The following SLC17A1 variants were observed in gnomAD, a reference collection of about 807,000 sequenced individuals.
The protein encoded by SLC17A1 is solute carrier family 17 member 1.
SLC17A1 carries 51 observed loss-of-function variants against 53.5 expected under a neutral mutation model. The observed-to-expected ratio is 0.95, with a 90% CI of 0.76 to 1.20. The LOEUF is 1.20. Among genes scored for constraint, SLC17A1 ranks in the 50% most tolerant of loss-of-function variants. SLC17A1 has a pLI of 0.00. For missense variants in SLC17A1, 538 were observed against 568.2 expected, an observed-to-expected ratio of 0.95 and a Z score of 0.54; for synonymous variants, 179 against 198.8, an observed-to-expected ratio of 0.90 and a Z score of 0.84.
chr6:25,803,749 A>G lies in SLC17A1; in HGVS notation c.1179-2769T>C, dbSNP rs185632958. 5.7e-3 allele frequency among the ~76,000 whole-genome samples: 869 copies of G among 152,212 alleles called. 4 individuals are homozygous for G. The highest frequency in any genetic ancestry group is 8.9e-3 in the Non-Finnish European group (607 of 67,996). On this transcript the variant is annotated intron_variant, in intron 10 of 12. Transcript: ENST00000244527. ...TGTTATGAGAATTAATAATATATGA[A>G]TATGGACATAATAGCAATAATTATG...
the SLC17A1 span, chr6:25,727,128 C>T: frequency 5.6e-6 from 9 of 1,614,146 alleles, no homozygotes; most frequent in African/African-American, 1.3e-5. Context: ...TATCTTTGAG[C>T]GTATAGCGAG....
At chr6:25,812,735 G>A (rs1392895242) in intron 8 of SLC17A1, 96 bp downstream of exon 8, 5 of 833,366 alleles carry the variant, frequency 6.0e-6, no homozygotes, top group African/African-American at 5.2e-5. Context: ...GATAGTGTGA[G>A]GAGCTGGCAA....
At chr6:25,725,450 C>T in the SLC17A1 span, among the ~76,000 whole-genome samples, 3 of 152,100 alleles carry the variant, frequency 2.0e-5, no homozygotes, top group Admixed American at 6.5e-5. Context: ...ATGAGTATTT[C>T]GTGAAACTAC....
At chr6:25,788,632 G>A (rs928863209) in intron 12 of SLC17A1, among the ~76,000 whole-genome samples, 4 of 149,888 alleles carry the variant, frequency 2.7e-5, no homozygotes, top group Non-Finnish European at 5.9e-5. Context: ...GCAAAGTTGT[G>A]CAACTTAGCA....
chr6:25,727,202 A>G, the SLC17A1 span: 1 of 1,614,156 alleles, frequency 6.2e-7, no homozygotes, highest in Non-Finnish European at 8.5e-7. Flanking sequence ...AGATTCAGAC[A>G]GCAGTGCGCT....
At chr6:25,737,998 A>C in the SLC17A1 span, among the ~76,000 whole-genome samples, 2 of 152,230 alleles carry the variant, frequency 1.3e-5, no homozygotes, top group East Asian at 3.8e-4. Flanking sequence ...CAAGGCAAGA[A>C]AAAGAAATTA....
At chr6:25,730,115 T>C in the SLC17A1 span, among the ~76,000 whole-genome samples, 4 of 152,126 alleles carry the variant, frequency 2.6e-5, no homozygotes, top group African/African-American at 9.7e-5. Flanking sequence ...CCTCAAAAAA[T>C]TAAAAATAGA....
At chr6:25,725,435 T>A in the SLC17A1 span, among the ~76,000 whole-genome samples, 1 of 152,362 alleles carries the variant, frequency 6.6e-6, no homozygotes, top group Non-Finnish European at 1.5e-5. Flanking sequence ...ATGCCACATT[T>A]AATTATGAGT....
the SLC17A1 span, chr6:25,773,299 C>T: frequency 6.2e-7 from 1 of 1,613,746 alleles, no homozygotes; most frequent in Non-Finnish European, 8.5e-7. Context: ...GCTTGTTGTC[C>T]TCTCTGGTTT....
the SLC17A1 span, among the ~76,000 whole-genome samples, chr6:25,736,573 G>C: frequency 2.0e-5 from 3 of 152,048 alleles, no homozygotes; most frequent in Non-Finnish European, 4.4e-5. Flanking sequence ...CTGGTGCTTT[G>C]AGAAGATTTT....
In SLC17A1 at chr6:25,813,105, A is replaced by C; in HGVS notation, c.725T>G (p.Leu242Arg). The C allele has an allele frequency of 1.2e-6, 2 of 1,613,892 alleles. No individual in the cohort carries two copies. The highest frequency in any genetic ancestry group is 2.2e-5 in the South Asian group (2 of 91,076). ...AGAACTGTGTTCTACCTGCTGGACC[A>C]GGGAGGATGTGATGTATTCCTTTTC... is the stretch of plus-strand genomic sequence containing the variant. ...ISEKEYITSS[L>R]VQQVSSSRQS... The change falls in exon 7 of 13, where the codon CTG (leucine) becomes CGG (arginine). Residue 242 changes from leucine to arginine, a missense_variant. Leu to Arg is a moderately radical substitution (Grantham distance 102). Coordinates refer to ENST00000244527, the MANE Select transcript of SLC17A1 (RefSeq NM_005074.5).
chr6:25,807,464 A>G (rs1763998352), intron 10 of SLC17A1, among the ~76,000 whole-genome samples: 1 of 151,936 alleles, frequency 6.6e-6, no homozygotes, highest in African/African-American at 2.4e-5. Context: ...ATGTTTTTTA[A>G]AATTATTATT....
intron 2 of SLC17A1, 52 bp from the exon 3 acceptor site, chr6:25,826,685 A>G (rs1001511479): frequency 3.6e-6 from 5 of 1,383,510 alleles, no homozygotes; most frequent in African/African-American, 3.0e-5. Flanking sequence ...AGATAAAAAC[A>G]TACTTTAACT....
chr6:25,780,285 G>A (rs149693640), downstream of SLC17A1: 1 of 152,230 alleles, frequency 6.6e-6, no homozygotes, highest in African/African-American at 2.4e-5. Context: ...CGGGAGGGCA[G>A]ATAACTTTAA....
the SLC17A1 span, chr6:25,777,737 A>G: frequency 1.7e-6 from 1 of 572,276 alleles, no homozygotes; most frequent in African/African-American, 1.9e-5. Flanking sequence ...ATTGGTCAGT[A>G]CATTTCATTC....
At chr6:25,826,777 T>C (rs1184766681) in intron 2 of SLC17A1, 144 bp from the exon 3 acceptor site, 1 of 437,866 alleles carries the variant, frequency 2.3e-6, no homozygotes, top group East Asian at 3.5e-5. Flanking sequence ...ATAATTATTA[T>C]ATAATAAGAA....
chr6:25,812,052 T>G (rs925193767), intron 8 of SLC17A1, among the ~76,000 whole-genome samples: 8 of 152,128 alleles, frequency 5.3e-5, no homozygotes, highest in Non-Finnish European at 7.3e-5. Context: ...ACATTGGGAA[T>G]AGGAAATACC....
chr6:25,817,887 G>A (rs531007548), intron 6 of SLC17A1, among the ~76,000 whole-genome samples: 92 of 152,272 alleles, frequency 6.0e-4, no homozygotes, highest in Non-Finnish European at 9.8e-4. Flanking sequence ...AGGGGCTTAC[G>A]TTCCATCACT....
intron 10 of SLC17A1, among the ~76,000 whole-genome samples, chr6:25,802,170 T>TACATTA (rs1330606596): frequency 6.6e-6 from 1 of 152,188 alleles, no homozygotes; most frequent in African/African-American, 2.4e-5. Context: ...TAAAGGCAAA[T>TACATTA]ACATTAACAT....
Sources: gnomAD v4.1 joint callset for allele counts (sites outside exome capture counted in the v4.1 genomes callset) on GRCh38, gnomAD v4.1.1 for gene constraint, MANE v1.5 for transcripts, NCBI Gene and HGNC (gene_info 2026-07-23, HGNC 2026-07-21) for gene names.